The following ACAP2 variants were observed in gnomAD, a reference collection of about 807,000 sequenced individuals.
ACAP2 encodes the protein arf-GAP with coiled-coil, ANK repeat and PH domain-containing protein 2.
Under a neutral mutation model 115.8 loss-of-function variants are expected in ACAP2, and 39 were observed. The observed-to-expected ratio is 0.34, with a 90% CI of 0.26 to 0.44. ACAP2 has a LOEUF of 0.44. ACAP2 is among the 20% of genes least tolerant of loss of function. ACAP2 has a pLI of 1.00. For synonymous variants in ACAP2, 289 were observed against 315.8 expected (o/e 0.92, Z 0.90); for missense variants, 662 against 927.6 (o/e 0.71, Z 3.72).
In ACAP2 at chr3:195,342,556, T is replaced by A; in HGVS notation, c.443A>T (p.Lys148Ile). 1 of 1,613,114 alleles carries A rather than the reference T, an allele frequency of 6.2e-7. No individual in the cohort carries two copies. The highest frequency in any genetic ancestry group is 2.2e-5 in the East Asian group (1 of 44,852). Residue 148 changes from lysine (K) to isoleucine (I), a missense_variant, in exon 6 of 23, where the codon AAA (lysine) becomes ATA (isoleucine). Around this residue, in one of 3 missense-constraint regions of ACAP2, gnomAD observed 401 missense variants for 604.4 expected, o/e 0.66. Transcript: ENST00000326793. ...GGTGGCTTCTTCAACTTCATGTTGT[T>A]TGTTTCTTTGTACTTGGGCATTTTT... ...LVKNAQVQRNKQHEVEEATNI... is the reference protein window; with the variant it reads ...LVKNAQVQRNIQHEVEEATNI...
At chr3:195,379,064 A>AT (rs1733775422) in intron 4 of ACAP2, among the ~76,000 whole-genome samples, 1 of 152,214 alleles carries the variant, frequency 6.6e-6, no homozygotes, top group African/African-American at 2.4e-5. Flanking sequence ...AATCACTTAT[A>AT]TAAAAAAAAG....
At chr3:195,417,700 C>T (rs1395754214) in intron 1 of ACAP2, among the ~76,000 whole-genome samples, 1 of 152,188 alleles carries the variant, frequency 6.6e-6, no homozygotes, top group South Asian at 2.1e-4. Flanking sequence ...GTAATCCTAG[C>T]ACTTTGGGAG....
intron 8 of ACAP2, 43 bp from the exon 9 acceptor site, chr3:195,327,002 A>G (rs1356396077): frequency 6.5e-7 from 1 of 1,538,238 alleles, no homozygotes; most frequent in Admixed American, 1.8e-5. Flanking sequence ...TAAAAAAAGT[A>G]TGGATTAGTT....
At chr3:195,363,654 G>T (rs886501180) in intron 4 of ACAP2, among the ~76,000 whole-genome samples, 2 of 149,766 alleles carry the variant, frequency 1.3e-5, no homozygotes, top group African/African-American at 2.5e-5. Context: ...CACAAAAACA[G>T]AATAGCCAAA....
Position 195,384,186 on chromosome 3 carries a change from G to A in ACAP2, c.112-2164C>T, listed in dbSNP as rs543956161. On this transcript the variant is annotated intron_variant, in intron 2 of 22. Coordinates refer to ENST00000326793, the MANE Select transcript of ACAP2 (RefSeq NM_012287.6). ...TGACACATGTAAAGATATTCACTGCGGTAACAGTAAAATATTGGTAGCAAG... is the reference window on the plus strand; with the variant it reads ...TGACACATGTAAAGATATTCACTGCAGTAACAGTAAAATATTGGTAGCAAG... Among the ~76,000 whole-genome samples, 15 of 152,022 alleles carry A rather than the reference G, an allele frequency of 9.9e-5. No homozygotes were observed. The South Asian group carries it at 1.0e-3, about 11-fold the overall frequency.
intron 4 of ACAP2, among the ~76,000 whole-genome samples, chr3:195,368,443 CTGTT>C (rs777944811): frequency 1.8e-4 from 27 of 152,288 alleles, no homozygotes; most frequent in Non-Finnish European, 3.5e-4. Context: ...ATCCCAGCCA[CTGTT>C]TGTTAAATTT....
At chr3:195,285,441 T>C (rs984244066) in intron 22 of ACAP2, 1 of 190,424 alleles carries the variant, frequency 5.3e-6, no homozygotes, top group African/African-American at 2.3e-5. Flanking sequence ...ACAACTATTT[T>C]GCTGCTGTAA....
rs935298886 is a variant in ACAP2 at position 195,276,680 on chromosome 3, T to A, written c.*2648A>T. ...CATGATTAACTAAGATTTCTTATAA[T>A]GCACTGAATAATTCACAGCATAACA... On this transcript the variant is annotated 3_prime_UTR_variant, in exon 23 of 23. Coordinates refer to ENST00000326793, the MANE Select transcript of ACAP2 (RefSeq NM_012287.6). The A allele has an allele frequency of 6.6e-6, 1 of 152,236 alleles. No homozygotes were observed. Among genetic ancestry groups the A allele is most frequent in the Non-Finnish European group, 1.5e-5 (1 of 68,042 alleles). 9.4% of individuals were successfully genotyped at this position (152,236 alleles called of 1,614,324 possible).
intron 15 of ACAP2, among the ~76,000 whole-genome samples, chr3:195,297,948 T>C (rs1727760471): frequency 6.6e-6 from 1 of 152,222 alleles, no homozygotes; most frequent in Non-Finnish European, 1.5e-5. Context: ...CTAATCTTAT[T>C]GCTTCTAGTT....
At chr3:195,411,521 T>C (rs1713259898) in intron 1 of ACAP2, among the ~76,000 whole-genome samples, 1 of 152,216 alleles carries the variant, frequency 6.6e-6, no homozygotes, top group Non-Finnish European at 1.5e-5. Context: ...AGTTTTATGT[T>C]ATGTGTATTT....
intron 15 of ACAP2, among the ~76,000 whole-genome samples, chr3:195,298,431 T>C (rs1293788558): frequency 2.0e-5 from 3 of 152,008 alleles, no homozygotes; most frequent in African/African-American, 7.2e-5. Flanking sequence ...AGTTTTTGTA[T>C]TTGTAGTAGA....
chr3:195,294,120 C>T (rs1305979716), intron 18 of ACAP2, among the ~76,000 whole-genome samples: 1 of 151,858 alleles, frequency 6.6e-6, no homozygotes, highest in Non-Finnish European at 1.5e-5. Context: ...TCCTGGGTGA[C>T]AGAGCAAGAC....
chr3:195,374,239 A>C (rs1215435735), intron 4 of ACAP2, among the ~76,000 whole-genome samples: 1 of 152,026 alleles, frequency 6.6e-6, no homozygotes, highest in African/African-American at 2.4e-5. Context: ...TAAAAAATAA[A>C]ATTAGCCAGG....
At chr3:195,351,679 T>A (rs1731618829) in intron 4 of ACAP2, among the ~76,000 whole-genome samples, 1 of 151,764 alleles carries the variant, frequency 6.6e-6, no homozygotes, top group Admixed American at 6.6e-5. Context: ...TTAGGCAGGA[T>A]GGTCTGGATC....
chr3:195,394,925 T>TC (rs1560324261), intron 1 of ACAP2, among the ~76,000 whole-genome samples: 1 of 150,714 alleles, frequency 6.6e-6, no homozygotes, highest in Non-Finnish European at 1.5e-5. Flanking sequence ...CTCTTTTTTT[T>TC]TTTTTTTTTT....
chr3:195,304,189 A>AAAAAAC (rs1560221411), intron 13 of ACAP2, among the ~76,000 whole-genome samples: 6 of 150,366 alleles, frequency 4.0e-5, no homozygotes, highest in Non-Finnish European at 8.9e-5. Flanking sequence ...AAAAAAAAAA[A>AAAAAAC]AAAAAACTTC....
At position 195,319,247 on chromosome 3, in the gene ACAP2, G is replaced by A. The variant is rs545024664; in HGVS notation, c.857+1454C>T. On this transcript the variant is annotated intron_variant, in intron 10 of 22. Transcript: ENST00000326793. ...GGCAGAAGTCTGCGGCAGGGGAGGA[G>A]CCCTCATGGAGAACCTCTCCTAAAG... 5.9e-5 allele frequency among the ~76,000 whole-genome samples: 9 copies of A among 152,356 alleles called. No homozygotes were observed. In the East Asian group the frequency reaches 1.5e-3, roughly 26 times the overall value.
At chr3:195,391,723 G>A (rs1211938009) in intron 2 of ACAP2, among the ~76,000 whole-genome samples, 7 of 152,036 alleles carry the variant, frequency 4.6e-5, no homozygotes, top group African/African-American at 1.2e-4. Flanking sequence ...GGCCAGGTGC[G>A]ATGGCTCACT....
Position 195,336,725 on chromosome 3 carries a change from T to C in ACAP2, c.573+207A>G, listed in dbSNP as rs527683412. The stretch of plus-strand genomic sequence containing the variant: ...GAGTCTACCTTTATGGACCTCACAG[T>C]GTATCAACAGATGAGACACACAAAC... On this transcript the variant is annotated intron_variant, in intron 7 of 22. Coordinates refer to ENST00000326793, the MANE Select transcript of ACAP2 (RefSeq NM_012287.6). The C allele has an allele frequency of 2.8e-4, 163 of 573,420 alleles. 2 individuals carry two copies. In the East Asian group the frequency reaches 3.2e-3, roughly 11 times the overall value. 35.5% of individuals were successfully genotyped at this position (573,420 alleles called of 1,614,324 possible).
Sources: gnomAD v4.1 joint callset for allele counts (sites outside exome capture counted in the v4.1 genomes callset) on GRCh38, gnomAD v4.1.1 for gene constraint, gnomAD v4.1.1 regional missense constraint, MANE v1.5 for transcripts, NCBI Gene and HGNC (gene_info 2026-07-23, HGNC 2026-07-21) for gene names.